The following NRXN1 variants were observed in gnomAD, a reference collection of about 807,000 sequenced individuals.
The protein encoded by NRXN1 is neurexin-1.
Under a neutral mutation model 150.9 loss-of-function variants are expected in NRXN1, and 39 were observed. The observed-to-expected ratio is 0.26, with a 90% CI of 0.20 to 0.34. The LOEUF is 0.34. Ranked by LOEUF, NRXN1 falls within the 10% of genes least tolerant of loss-of-function variation. The probability of loss-of-function intolerance (pLI) is 1.00; values close to 1 mark genes in which losing one functional copy is unlikely to be tolerated. For synonymous variants in NRXN1, 924 were observed against 757.0 expected (o/e 1.22, Z -3.62); for missense variants, 1,815 against 1,949.9 (o/e 0.93, Z 1.30).
intron 17 of NRXN1, among the ~76,000 whole-genome samples, chr2:50,417,713 G>A (rs575429872): frequency 6.6e-6 from 1 of 151,898 alleles, no homozygotes; most frequent in East Asian, 1.9e-4. Context: ...GAGAAGGCAA[G>A]GCTTTCTTGA....
chr2:50,522,449 C>G lies in NRXN1; in HGVS notation c.2374+6176G>C, dbSNP rs188866213. 3.9e-5 allele frequency among the ~76,000 whole-genome samples: 6 copies of G among 152,118 alleles called. No homozygotes were observed. The South Asian group carries it at 1.2e-3, about 32-fold the overall frequency. ...TAACGTGAATAAATTAATAACTGTGCTTGGTTTCAACATGCATTCTTAAAC... is the reference window on the plus strand; with the variant it reads ...TAACGTGAATAAATTAATAACTGTGGTTGGTTTCAACATGCATTCTTAAAC... On this transcript the variant is annotated intron_variant, in intron 12 of 22. Coordinates refer to ENST00000401669, the MANE Select transcript of NRXN1 (RefSeq NM_001330078.2).
intron 5 of NRXN1, among the ~76,000 whole-genome samples, chr2:50,700,482 C>T (rs1693576877): frequency 6.6e-6 from 1 of 152,082 alleles, no homozygotes; most frequent in Non-Finnish European, 1.5e-5. Flanking sequence ...TAAAAGATCA[C>T]ATGTTTCCTA....
chr2:50,136,053 A>T (rs1706355737), intron 18 of NRXN1, among the ~76,000 whole-genome samples: 1 of 152,164 alleles, frequency 6.6e-6, no homozygotes, highest in Admixed American at 6.5e-5. Flanking sequence ...ATAGATCTTT[A>T]TTCTGTTCTC....
intron 15 of NRXN1, among the ~76,000 whole-genome samples, chr2:50,486,129 G>A (rs747625786): frequency 5.3e-5 from 8 of 152,006 alleles, no homozygotes; most frequent in East Asian, 1.9e-4. Context: ...GATCGGTTGC[G>A]GTAAAACCAA....
intron 17 of NRXN1, among the ~76,000 whole-genome samples, chr2:50,400,818 G>T (rs948278456): frequency 6.6e-6 from 1 of 152,110 alleles, no homozygotes; most frequent in Non-Finnish European, 1.5e-5. Flanking sequence ...TATAAGATTT[G>T]GTAGAAACTG....
rs576257551 is a variant in NRXN1 at position 49,925,249 on chromosome 2, A to G, written c.4217-2998T>C. Among the ~76,000 whole-genome samples the G allele has an allele frequency of 4.7e-3, 708 of 150,716 alleles. 1 individual carries two copies. Among genetic ancestry groups the G allele is most frequent in the Non-Finnish European group, 7.2e-3 (485 of 67,692 alleles). ...GAGCTGCGATCGCACACTACACTCCAGCCTGGCAACAGAGCGAGACACTGC... is the reference window on the plus strand; with the variant it reads ...GAGCTGCGATCGCACACTACACTCCGGCCTGGCAACAGAGCGAGACACTGC... On this transcript the variant is annotated intron_variant, in intron 22 of 22. Coordinates refer to ENST00000401669, the MANE Select transcript of NRXN1 (RefSeq NM_001330078.2).
intron 15 of NRXN1, among the ~76,000 whole-genome samples, chr2:50,476,707 T>A (rs2090019012): frequency 6.6e-6 from 1 of 152,154 alleles, no homozygotes. Flanking sequence ...AAATTCTCCA[T>A]GATATTTTTT....
At chr2:50,876,208 C>G (rs1298283462) in intron 5 of NRXN1, among the ~76,000 whole-genome samples, 1 of 151,690 alleles carries the variant, frequency 6.6e-6, no homozygotes, top group South Asian at 2.1e-4. Context: ...TAAAACCCAT[C>G]CTAGAGGAGA....
At chr2:50,633,563 T>A (rs1006719538) in intron 5 of NRXN1, among the ~76,000 whole-genome samples, 2 of 151,822 alleles carry the variant, frequency 1.3e-5, no homozygotes, top group Non-Finnish European at 2.9e-5. Flanking sequence ...ATTAAAATAA[T>A]GCAAAGAAGT....
At chr2:50,142,341 G>A (rs1202754821) in intron 18 of NRXN1, among the ~76,000 whole-genome samples, 1 of 151,728 alleles carries the variant, frequency 6.6e-6, no homozygotes, top group East Asian at 1.9e-4. Context: ...AGAGAGGTAG[G>A]ACAGGGGGTA....
At chr2:50,591,988 C>G (rs1674344611) in intron 8 of NRXN1, among the ~76,000 whole-genome samples, 1 of 152,130 alleles carries the variant, frequency 6.6e-6, no homozygotes, top group Non-Finnish European at 1.5e-5. Context: ...CAAATCCGTT[C>G]CAAGCTGCTC....
intron 17 of NRXN1, among the ~76,000 whole-genome samples, chr2:50,369,814 G>A (rs1481476939): frequency 1.3e-5 from 2 of 151,962 alleles, no homozygotes; most frequent in South Asian, 2.1e-4. Flanking sequence ...TGAATGTACG[G>A]AGACTGGTCA....
At chr2:50,332,523 T>G (rs1199102560) in intron 17 of NRXN1, among the ~76,000 whole-genome samples, 2 of 152,222 alleles carry the variant, frequency 1.3e-5, no homozygotes, top group African/African-American at 4.8e-5. Context: ...AGATCTCTGC[T>G]GCAAGGAAAA....
chr2:50,652,096 TTA>T (rs1685723129), intron 5 of NRXN1, among the ~76,000 whole-genome samples: 1 of 151,990 alleles, frequency 6.6e-6, no homozygotes, highest in Non-Finnish European at 1.5e-5. Flanking sequence ...CAAAGGTTTG[TTA>T]TGTTTCCATT....
intron 13 of NRXN1, among the ~76,000 whole-genome samples, chr2:50,502,504 T>C (rs1365754398): frequency 1.3e-5 from 2 of 151,942 alleles, no homozygotes; most frequent in South Asian, 2.1e-4. Context: ...ACACGAGTCA[T>C]GGTTAACCCC....
At chr2:50,165,889 G>A (rs1038295471) in intron 18 of NRXN1, among the ~76,000 whole-genome samples, 1 of 152,072 alleles carries the variant, frequency 6.6e-6, no homozygotes, top group East Asian at 1.9e-4. Flanking sequence ...TAGGACAGCT[G>A]GAGTCTTGTA....
chr2:50,111,977 T>C (rs1172143774), intron 18 of NRXN1, among the ~76,000 whole-genome samples: 2 of 152,214 alleles, frequency 1.3e-5, no homozygotes, highest in East Asian at 3.9e-4. Flanking sequence ...CAGTGTAATA[T>C]GTTTCTTAAT....
chr2:50,044,269 A>G (rs1341969307), intron 21 of NRXN1, among the ~76,000 whole-genome samples: 3 of 152,218 alleles, frequency 2.0e-5, no homozygotes, highest in Admixed American at 2.0e-4. Flanking sequence ...AGATAAAAAA[A>G]TGTAGCTTCC....
At chr2:49,999,954 A>T (rs1257893733) in intron 21 of NRXN1, among the ~76,000 whole-genome samples, 1 of 152,152 alleles carries the variant, frequency 6.6e-6, no homozygotes, top group Non-Finnish European at 1.5e-5. Flanking sequence ...GTGGAAGAAG[A>T]TTTTTCGGTT....
Sources: gnomAD v4.1 joint callset for allele counts (sites outside exome capture counted in the v4.1 genomes callset) on GRCh38, gnomAD v4.1.1 for gene constraint, MANE v1.5 for transcripts, NCBI Gene and HGNC (gene_info 2026-07-23, HGNC 2026-07-21) for gene names.